Variants in RBM33 observed in about 807,000 individuals in gnomAD.
RBM33 encodes RNA-binding protein 33.
RBM33 carries 28 observed loss-of-function variants against 132.6 expected under a neutral mutation model. That is an observed-to-expected ratio of 0.21 (90% CI 0.16 to 0.29). RBM33 has a LOEUF of 0.29. Ranked by LOEUF, RBM33 falls within the 10% of genes least tolerant of loss-of-function variation. RBM33 has a pLI of 1.00. For missense variants in RBM33, 1,291 were observed against 1,518.5 expected, an observed-to-expected ratio of 0.85 and a Z score of 2.49; for synonymous variants, 634 against 593.0, an observed-to-expected ratio of 1.07 and a Z score of -1.01.
chr7:155,772,224 G>A (rs996240307), intron 16 of RBM33, among the ~76,000 whole-genome samples: 3 of 152,156 alleles, frequency 2.0e-5, no homozygotes, highest in Admixed American at 6.5e-5. Flanking sequence ...CGGAAGAACG[G>A]AGAGAACCCC....
At chr7:155,662,416 C>A (rs1172823241) in intron 1 of RBM33, among the ~76,000 whole-genome samples, 1 of 152,092 alleles carries the variant, frequency 6.6e-6, no homozygotes, top group East Asian at 1.9e-4. Flanking sequence ...TAGCTCTCAC[C>A]AGAACTCTCC....
intron 14 of RBM33, among the ~76,000 whole-genome samples, chr7:155,752,021 T>G (rs1163195412): frequency 1.3e-5 from 2 of 152,368 alleles, no homozygotes; most frequent in African/African-American, 4.8e-5. Context: ...TGCAATGAAC[T>G]GTCACTGTCA....
intron 9 of RBM33, among the ~76,000 whole-genome samples, chr7:155,732,643 G>A (rs757778328): frequency 1.3e-5 from 2 of 152,176 alleles, no homozygotes; most frequent in Non-Finnish European, 2.9e-5. Flanking sequence ...TTAACAAATA[G>A]ACTGTTGGTA....
At chr7:155,685,287 G>A (rs1799446198) in intron 5 of RBM33, among the ~76,000 whole-genome samples, 1 of 152,180 alleles carries the variant, frequency 6.6e-6, no homozygotes, top group Non-Finnish European at 1.5e-5. Context: ...TGGGGATGTG[G>A]GTGGAAATAG....
chr7:155,739,807 G>A lies in RBM33; in HGVS notation c.1830G>A (p.Gln610=), dbSNP rs1563169418. ...CGCCACAGCACCAGCCTCCGCACCAGCCCCCGCACCAGCCCCCGCCCCAGC... is the reference window on the plus strand; with the variant it reads ...CGCCACAGCACCAGCCTCCGCACCAACCCCCGCACCAGCCCCCGCCCCAGC... ...QPPPQHQPPH[Q]PPHQPPPQHQ... is the part of the protein sequence containing the mutation. Residue 610 remains glutamine (Q), a synonymous_variant, in exon 12 of 18, where the codon CAG becomes CAA. Transcript: ENST00000401878. The A allele has an allele frequency of 5.8e-6, 8 of 1,388,276 alleles. No homozygotes were observed. The Admixed American group carries it at 8.8e-5, about 15-fold the overall frequency. The allele number at this position is 1,388,276 out of a possible 1,614,324, so 86.0% of individuals were successfully genotyped here.
At chr7:155,685,497 G>A (rs953056114) in intron 5 of RBM33, among the ~76,000 whole-genome samples, 1 of 152,126 alleles carries the variant, frequency 6.6e-6, no homozygotes, top group African/African-American at 2.4e-5. Context: ...AGAGAAAAAA[G>A]ACCTGTAAAT....
chr7:155,683,527 G>A (rs1219707462), intron 5 of RBM33, among the ~76,000 whole-genome samples: 1 of 152,186 alleles, frequency 6.6e-6, no homozygotes, highest in Non-Finnish European at 1.5e-5. Context: ...GCATAACAGG[G>A]AGTAGAATCA....
At chr7:155,660,520 A>G (rs1031959866) in intron 1 of RBM33, among the ~76,000 whole-genome samples, 3 of 152,184 alleles carry the variant, frequency 2.0e-5, no homozygotes, top group African/African-American at 7.2e-5. Context: ...GTCTTTATGA[A>G]AGATCATGTT....
rs529163371 is a variant in RBM33, at chr7:155,763,150, C to T, written c.2980-662C>T. Among the ~76,000 whole-genome samples the T allele has an allele frequency of 8.3e-4, 127 of 152,304 alleles. 1 individual carries two copies. Among genetic ancestry groups the T allele is most frequent in the Admixed American group, 1.4e-3 (22 of 15,302 alleles). ...TCTAAGGTTCTTCGTAGAGTAAATG[C>T]GCTTCTTGGAAATCCACGTACTCTG... On this transcript the variant is annotated intron_variant, in intron 14 of 17. Transcript: ENST00000401878.
rs151182852 is a variant in RBM33, at chr7:155,745,249, G to A, written c.2626G>A (p.Val876Ile). Residue 876 changes from valine (V) to isoleucine (I), a missense_variant, in exon 14 of 18, where the codon GTT (valine) becomes ATT (isoleucine). Val to Ile is a conservative substitution (Grantham distance 29, BLOSUM62 3). Transcript: ENST00000401878. The surrounding 1 kb of genome is among the most constrained non-coding windows in gnomAD (Gnocchi z 4.1). ...VRQNVKNRLL[V>I]KNQDVSISNV... is the part of the protein sequence containing the mutation. ...ACAAAATGTGAAGAACAGACTTCTT[G>A]TTAAAAACCAGGATGTCAGTATTTC... 1.2e-6 allele frequency: 2 copies of A among 1,612,666 alleles called. No individual in the cohort carries two copies. The highest frequency in any genetic ancestry group is 1.7e-5 in the Admixed American group (1 of 59,830).
chr7:155,692,988 C>T (rs1013772373), intron 5 of RBM33, among the ~76,000 whole-genome samples: 2 of 152,190 alleles, frequency 1.3e-5, no homozygotes, highest in South Asian at 4.2e-4. Flanking sequence ...GAAAGGTGCT[C>T]GTGATGCATT....
intron 13 of RBM33, 73 bp from the exon 14 acceptor site, chr7:155,744,888 T>C: frequency 7.2e-7 from 1 of 1,383,804 alleles, no homozygotes; most frequent in Non-Finnish European, 9.7e-7. Context: ...AATGTGTTCT[T>C]GTAATTTGTT....
chr7:155,761,977 C>G (rs149463312), intron 14 of RBM33, among the ~76,000 whole-genome samples: 3 of 152,162 alleles, frequency 2.0e-5, no homozygotes, highest in African/African-American at 4.8e-5. Context: ...ATTTTTTGTT[C>G]AGTGTTTGTA....
intron 3 of RBM33, 27 bp downstream of exon 3, chr7:155,672,942 G>T: frequency 6.9e-7 from 1 of 1,452,742 alleles, no homozygotes; most frequent in Non-Finnish European, 9.4e-7. Flanking sequence ...CTTCTGAGAT[G>T]AAATACTAGT....
At chr7:155,649,498 G>A (rs901528789) in intron 1 of RBM33, among the ~76,000 whole-genome samples, 1 of 152,186 alleles carries the variant, frequency 6.6e-6, no homozygotes, top group Non-Finnish European at 1.5e-5. Context: ...TGATTCACCT[G>A]TGTAACTGAT....
chr7:155,706,358 G>A (rs1468904212), intron 6 of RBM33, among the ~76,000 whole-genome samples: 2 of 152,176 alleles, frequency 1.3e-5, no homozygotes, highest in African/African-American at 2.4e-5. Context: ...CCGGCGTGGC[G>A]GTGTGCACCT....
intron 5 of RBM33, among the ~76,000 whole-genome samples, chr7:155,697,868 C>T (rs1023055787): frequency 3.9e-5 from 6 of 152,084 alleles, no homozygotes; most frequent in Non-Finnish European, 5.9e-5. Context: ...AAAAATAAAT[C>T]TTTCAGGTTT....
intron 3 of RBM33, among the ~76,000 whole-genome samples, chr7:155,673,525 T>TAC (rs1304806037): frequency 2.9e-5 from 4 of 137,860 alleles, no homozygotes; most frequent in Non-Finnish European, 3.1e-5. Context: ...TGTATATATA[T>TAC]ACACACATAT....
At chr7:155,704,471 G>C (rs978711569) in intron 6 of RBM33, among the ~76,000 whole-genome samples, 1 of 152,176 alleles carries the variant, frequency 6.6e-6, no homozygotes, top group East Asian at 1.9e-4. Flanking sequence ...GAGTAGGCAT[G>C]TGTAAGGAAT....
Sources: gnomAD v4.1 joint callset for allele counts (sites outside exome capture counted in the v4.1 genomes callset) on GRCh38, gnomAD v4.1.1 for gene constraint, Gnocchi (gnomAD v3.1) non-coding constraint, MANE v1.5 for transcripts, NCBI Gene and HGNC (gene_info 2026-07-23, HGNC 2026-07-21) for gene names.